CSMD1: variants seen among roughly 807,000 people sequenced by gnomAD.
CSMD1 encodes the protein CUB and sushi domain-containing protein 1.
CSMD1 carries 213 observed loss-of-function variants against 417.5 expected under a neutral mutation model. The ratio of observed to expected loss-of-function variants is 0.51; its 90% confidence interval spans 0.46 to 0.57. CSMD1 has a LOEUF of 0.57. Ranked by LOEUF, CSMD1 falls within the 20% of genes least tolerant of loss-of-function variation. The pLI, the probability that CSMD1 is intolerant of heterozygous loss-of-function variation, is 0.00. For missense variants in CSMD1, 6,923 were observed against 4,529.7 expected, an observed-to-expected ratio of 1.53 and a Z score of -15.17; for synonymous variants, 2,862 against 1,736.8, an observed-to-expected ratio of 1.65 and a Z score of -16.11.
At chr8:4,682,802 T>C (rs946924645) in intron 1 of CSMD1, among the ~76,000 whole-genome samples, 7 of 151,232 alleles carry the variant, frequency 4.6e-5, no homozygotes, top group African/African-American at 1.7e-4. Context: ...ACATTATATA[T>C]AAGAATATGA....
chr8:4,114,613 C>G (rs1802035620), intron 3 of CSMD1, among the ~76,000 whole-genome samples: 1 of 152,000 alleles, frequency 6.6e-6, no homozygotes. Context: ...TGGACTTGGT[C>G]AAAATAAATT....
chr8:3,596,932 T>C (rs887347326), intron 8 of CSMD1, among the ~76,000 whole-genome samples: 8 of 152,182 alleles, frequency 5.3e-5, no homozygotes, highest in African/African-American at 1.9e-4. Flanking sequence ...AGTTTCCAAG[T>C]GCCCCTCTTA....
At chr8:3,936,559 CG>C (rs1810513175) in intron 5 of CSMD1, among the ~76,000 whole-genome samples, 2 of 152,084 alleles carry the variant, frequency 1.3e-5, no homozygotes, top group Admixed American at 6.6e-5. Flanking sequence ...ACAACAAAGC[CG>C]GGAAGATAGC....
At chr8:3,547,533 T>C (rs1396532704) in intron 10 of CSMD1, among the ~76,000 whole-genome samples, 6 of 152,164 alleles carry the variant, frequency 3.9e-5, no homozygotes, top group Non-Finnish European at 8.8e-5. Context: ...AATAAGAAAA[T>C]ATTTTTCCAA....
intron 5 of CSMD1, among the ~76,000 whole-genome samples, chr8:3,982,544 A>G (rs1025881080): frequency 3.3e-5 from 5 of 152,148 alleles, no homozygotes; most frequent in African/African-American, 4.8e-5. Context: ...TATGTGCACT[A>G]GGATTATGTG....
intron 8 of CSMD1, among the ~76,000 whole-genome samples, chr8:3,609,811 CTTTTTTTT>C (rs71534362): frequency 2.0e-4 from 15 of 75,274 alleles, no homozygotes; most frequent in African/African-American, 6.5e-4. Flanking sequence ...AGTATCTTCC[CTTTTTTTT>C]TTTTTTTTTT....
chr8:4,387,236 A>G (rs1803512891), intron 3 of CSMD1, among the ~76,000 whole-genome samples: 1 of 152,186 alleles, frequency 6.6e-6, no homozygotes, highest in African/African-American at 2.4e-5. Flanking sequence ...TAAATATTTT[A>G]TGCTTCAATT....
intron 11 of CSMD1, 72 bp from the exon 12 acceptor site, chr8:3,468,896 T>A: frequency 1.0e-6 from 1 of 1,000,022 alleles, no homozygotes. Context: ...GAAAGGAGGG[T>A]CTTGCTGCTT....
chr8:3,798,226 G>A (rs1800268038), intron 5 of CSMD1, among the ~76,000 whole-genome samples: 1 of 151,986 alleles, frequency 6.6e-6, no homozygotes, highest in South Asian at 2.1e-4. Flanking sequence ...GAAATGAGCT[G>A]TAGCTTTCCT....
At chr8:4,954,896 T>A (rs1808986505) in intron 1 of CSMD1, among the ~76,000 whole-genome samples, 1 of 152,224 alleles carries the variant, frequency 6.6e-6, no homozygotes, top group Non-Finnish European at 1.5e-5. Flanking sequence ...AGTACTTTGT[T>A]TCAAAATACC....
chr8:4,461,368 G>C (rs1367007632), intron 2 of CSMD1, among the ~76,000 whole-genome samples: 1 of 151,476 alleles, frequency 6.6e-6, no homozygotes, highest in Non-Finnish European at 1.5e-5. Flanking sequence ...CTAGGGCAGT[G>C]ATGCAGGAAA....
intron 43 of CSMD1, among the ~76,000 whole-genome samples, chr8:3,109,351 T>C (rs964879537): frequency 1.1e-4 from 16 of 152,208 alleles, no homozygotes; most frequent in African/African-American, 3.6e-4. Flanking sequence ...CTATGGGGCA[T>C]GGCCAACCAC....
intron 3 of CSMD1, among the ~76,000 whole-genome samples, chr8:4,366,759 C>G (rs1418142530): frequency 1.3e-5 from 2 of 152,010 alleles, no homozygotes; most frequent in Non-Finnish European, 1.5e-5. Flanking sequence ...GAACAACGTG[C>G]ACGTTAGTTA....
intron 15 of CSMD1, 51 bp downstream of exon 15, chr8:3,405,976 G>C (rs1163524683): frequency 9.0e-6 from 14 of 1,559,104 alleles, no homozygotes; most frequent in Admixed American, 3.5e-5. Context: ...TGTGCCTGAA[G>C]ATAGATGTGT....
Position 4,428,422 on chromosome 8 carries a change from A to T in CSMD1, c.303-8357T>A, listed in dbSNP as rs77163820. ...GTAGTTCAATAGGAATACCTAAATG[A>T]TTTGCTAATGCAATATGGAAATGGT... On this transcript the variant is annotated intron_variant, in intron 2 of 69. Transcript: ENST00000635120. Among the ~76,000 whole-genome samples, 3 of 152,320 alleles carry T rather than the reference A, an allele frequency of 2.0e-5. No homozygotes were observed. The East Asian group carries it at 5.8e-4, about 29-fold the overall frequency.
intron 2 of CSMD1, among the ~76,000 whole-genome samples, chr8:4,551,683 T>C (rs1390518586): frequency 6.6e-6 from 1 of 152,008 alleles, no homozygotes; most frequent in East Asian, 1.9e-4. Context: ...TTTATTTATT[T>C]ATTTTTTGAG....
At chr8:4,809,626 T>C (rs990684629) in intron 1 of CSMD1, among the ~76,000 whole-genome samples, 11 of 152,164 alleles carry the variant, frequency 7.2e-5, no homozygotes, top group Admixed American at 5.2e-4. Context: ...AGAAATAATA[T>C]GCAAGCCACA....
chr8:4,581,793 T>C (rs1315938695), intron 2 of CSMD1, among the ~76,000 whole-genome samples: 2 of 152,164 alleles, frequency 1.3e-5, no homozygotes, highest in East Asian at 1.9e-4. Flanking sequence ...TGGCTATTGC[T>C]AGGCTCTGAG....
At chr8:4,459,230 T>C (rs1217219633) in intron 2 of CSMD1, among the ~76,000 whole-genome samples, 1 of 152,198 alleles carries the variant, frequency 6.6e-6, no homozygotes, top group Non-Finnish European at 1.5e-5. Context: ...GTAGGAGGTA[T>C]GGGAGGCTCA....
Sources: gnomAD v4.1 joint callset for allele counts (sites outside exome capture counted in the v4.1 genomes callset) on GRCh38, gnomAD v4.1.1 for gene constraint, MANE v1.5 for transcripts, NCBI Gene and HGNC (gene_info 2026-07-23, HGNC 2026-07-21) for gene names.